ST8SIA1: variants seen among roughly 807,000 people sequenced by gnomAD.
The protein encoded by ST8SIA1 is ST8 alpha-N-acetyl-neuraminide alpha-2,8-sialyltransferase 1.
A neutral mutation model predicts 35.9 loss-of-function variants in ST8SIA1; 16 were observed. That is an observed-to-expected ratio of 0.45 (90% CI 0.30 to 0.68). The LOEUF (loss-of-function observed/expected upper bound fraction) is 0.68. ST8SIA1 is among the 30% of genes least tolerant of loss of function. The pLI is 0.09. For synonymous variants in ST8SIA1, 170 were observed against 169.6 expected (o/e 1.00, Z -0.02); for missense variants, 383 against 453.6 (o/e 0.84, Z 1.41).
intron 4 of ST8SIA1, among the ~76,000 whole-genome samples, chr12:22,233,546 T>A (rs1001102434): frequency 1.3e-5 from 2 of 152,128 alleles, no homozygotes; most frequent in African/African-American, 4.8e-5. Flanking sequence ...AATGGTAAAC[T>A]CATTATTGAC....
At chr12:22,250,445 T>C (rs1033295794) in intron 3 of ST8SIA1, among the ~76,000 whole-genome samples, 6 of 152,196 alleles carry the variant, frequency 3.9e-5, no homozygotes, top group Admixed American at 3.9e-4. Flanking sequence ...TCTATGAAAA[T>C]GCCAAATGCG....
At chr12:22,247,918 A>C (rs1865624154) in intron 4 of ST8SIA1, among the ~76,000 whole-genome samples, 2 of 152,202 alleles carry the variant, frequency 1.3e-5, no homozygotes, top group African/African-American at 4.8e-5. Context: ...AGAAGAAAAA[A>C]TACTAATAGT....
chr12:22,201,987 A>G lies in ST8SIA1; in HGVS notation c.636T>C (p.Ile212=), dbSNP rs704219. 0.78 allele frequency: 1,255,890 copies of G among 1,613,074 alleles called. 491,362 individuals are homozygous for G. Among genetic ancestry groups the G allele is most frequent in the South Asian group, 0.93 (84,628 of 90,970 alleles). The change falls in exon 5 of 5, where the codon ATT becomes ATC. Residue 212 remains isoleucine, a synonymous_variant. Coordinates refer to ENST00000396037, the MANE Select transcript of ST8SIA1 (RefSeq NM_003034.4). The part of the protein sequence containing the change: ...SRKTFVDNMK[I]YNHSYIYMPA... ...GCATGTAGATGTAACTGTGGTTATAAATTTTCATGTTGTCCACAAATGTCT... is the reference window on the plus strand; with the variant it reads ...GCATGTAGATGTAACTGTGGTTATAGATTTTCATGTTGTCCACAAATGTCT...
intron 1 of ST8SIA1, among the ~76,000 whole-genome samples, chr12:22,315,701 G>C (rs1019604951): frequency 1.4e-5 from 2 of 147,978 alleles, no homozygotes; most frequent in African/African-American, 5.0e-5. Context: ...AAACACCTCT[G>C]AACAATCCAG....
intron 1 of ST8SIA1, among the ~76,000 whole-genome samples, chr12:22,318,826 G>A (rs1866549752): frequency 6.6e-6 from 1 of 152,224 alleles, no homozygotes; most frequent in Non-Finnish European, 1.5e-5. Flanking sequence ...GCTTTGACTT[G>A]AAGCCCTGAA....
intron 4 of ST8SIA1, among the ~76,000 whole-genome samples, chr12:22,216,185 G>A (rs1048508875): frequency 6.6e-6 from 1 of 152,004 alleles, no homozygotes. Flanking sequence ...TTAACAGATC[G>A]GTCTCTAACG....
chr12:22,253,519 G>A (rs539509192), intron 3 of ST8SIA1, among the ~76,000 whole-genome samples: 4 of 152,232 alleles, frequency 2.6e-5, no homozygotes, highest in African/African-American at 9.6e-5. Context: ...CAGCTCACAC[G>A]CCACTTCTCT....
intron 2 of ST8SIA1, among the ~76,000 whole-genome samples, chr12:22,269,848 T>C (rs973803513): frequency 1.3e-5 from 2 of 152,220 alleles, no homozygotes; most frequent in Non-Finnish European, 2.9e-5. Context: ...TGCTGTTACT[T>C]ATCTGATACA....
intron 1 of ST8SIA1, among the ~76,000 whole-genome samples, chr12:22,322,732 C>T (rs1206597440): frequency 2.0e-5 from 3 of 152,188 alleles, no homozygotes; most frequent in East Asian, 1.9e-4. Context: ...CAACACTTCA[C>T]CACCAAAACA....
chr12:22,211,817 T>G (rs1359890404), intron 4 of ST8SIA1, among the ~76,000 whole-genome samples: 2 of 152,170 alleles, frequency 1.3e-5, no homozygotes, highest in East Asian at 3.9e-4. Context: ...GTGCAAGTGA[T>G]TCTCCTGCAT....
chr12:22,230,204 T>C (rs1565572540), intron 4 of ST8SIA1, among the ~76,000 whole-genome samples: 1 of 152,232 alleles, frequency 6.6e-6, no homozygotes, highest in Non-Finnish European at 1.5e-5. Flanking sequence ...GTTTTAGTGA[T>C]ATCAGGCACA....
chr12:22,226,147 T>G (rs567385877), intron 4 of ST8SIA1, among the ~76,000 whole-genome samples: 148 of 152,298 alleles, frequency 9.7e-4, no homozygotes, highest in Non-Finnish European at 1.7e-3. Context: ...CTCAAAAAAT[T>G]CAAGAAGAAT....
intron 1 of ST8SIA1, among the ~76,000 whole-genome samples, chr12:22,319,280 GTTAAA>G (rs1866554738): frequency 6.6e-6 from 1 of 152,114 alleles, no homozygotes; most frequent in South Asian, 2.1e-4. Flanking sequence ...CTGATCTAGG[GTTAAA>G]TTGACTGATA....
chr12:22,274,271 A>G (rs1427495142), intron 2 of ST8SIA1, among the ~76,000 whole-genome samples: 1 of 152,210 alleles, frequency 6.6e-6, no homozygotes, highest in Admixed American at 6.5e-5. Context: ...TGATTGCATG[A>G]TCTGATTTGC....
At chr12:22,280,470 G>T (rs1297027416) in intron 2 of ST8SIA1, among the ~76,000 whole-genome samples, 1 of 152,086 alleles carries the variant, frequency 6.6e-6, no homozygotes, top group African/African-American at 2.4e-5. Flanking sequence ...TTGGTGTCAT[G>T]AATTCTTTTC....
At chr12:22,248,881 C>T in intron 4 of ST8SIA1, 125 bp downstream of exon 4, 1 of 626,010 alleles carries the variant, frequency 1.6e-6, no homozygotes, top group South Asian at 2.3e-5. Context: ...CTTCATCCTT[C>T]CTGCCTGTCC....
chr12:22,234,689 A>C (rs1386129881), intron 4 of ST8SIA1, among the ~76,000 whole-genome samples: 2 of 152,204 alleles, frequency 1.3e-5, no homozygotes, highest in Non-Finnish European at 2.9e-5. Flanking sequence ...GCAGTACAAC[A>C]ATGTGCATAA....
At chr12:22,213,732 G>A (rs1159513725) in intron 4 of ST8SIA1, among the ~76,000 whole-genome samples, 1 of 152,098 alleles carries the variant, frequency 6.6e-6, no homozygotes, top group Non-Finnish European at 1.5e-5. Context: ...TCCACTCAAG[G>A]TTGAGATTTT....
intron 1 of ST8SIA1, among the ~76,000 whole-genome samples, chr12:22,310,463 A>T (rs1329907594): frequency 1.3e-5 from 2 of 152,186 alleles, no homozygotes; most frequent in Non-Finnish European, 2.9e-5. Flanking sequence ...AACTCGTCAC[A>T]GTCATCTTGT....
Sources: gnomAD v4.1 joint callset for allele counts (sites outside exome capture counted in the v4.1 genomes callset) on GRCh38, gnomAD v4.1.1 for gene constraint, MANE v1.5 for transcripts, NCBI Gene and HGNC (gene_info 2026-07-23, HGNC 2026-07-21) for gene names.